TDRD3: variants seen among roughly 807,000 people sequenced by gnomAD.
TDRD3 encodes tudor domain-containing protein 3.
Under a neutral mutation model 86.7 loss-of-function variants are expected in TDRD3, and 45 were observed. The ratio of observed to expected loss-of-function variants is 0.52; its 90% CI spans 0.41 to 0.67. The LOEUF (loss-of-function observed/expected upper bound fraction) is 0.67, where lower values mean the gene tolerates loss of function less well. Ranked by LOEUF, TDRD3 falls within the 30% of genes least tolerant of loss-of-function variation. The pLI is 0.00. For synonymous variants in TDRD3, 298 were observed against 301.7 expected, an observed-to-expected ratio of 0.99 and a Z score of 0.13; for missense variants, 814 against 889.0, an observed-to-expected ratio of 0.92 and a Z score of 1.07.
intron 5 of TDRD3, among the ~76,000 whole-genome samples, chr13:60,468,295 C>A (rs113211261): frequency 6.6e-6 from 1 of 152,014 alleles, no homozygotes; most frequent in Non-Finnish European, 1.5e-5. Flanking sequence ...TTTAATTAAA[C>A]GTTTTTCCAT....
At chr13:60,489,221 A>G (rs1361181366) in intron 7 of TDRD3, among the ~76,000 whole-genome samples, 3 of 152,150 alleles carry the variant, frequency 2.0e-5, no homozygotes, top group South Asian at 4.1e-4. Context: ...CTTATTTGTA[A>G]TAGGTGTTTT....
Position 60,439,764 on chromosome 13 carries a change from G to T in TDRD3, c.118G>T (p.Ala40Ser), listed in dbSNP as rs1478312780. ...CAATGTAAATGACATCATCCTGATT[G>T]CTCTCAATGTAGGTTATATTTATTA... ...KVNVNDIILI[A>S]LNTDLRTIGK... Residue 40 changes from alanine to serine, a missense_variant, in exon 2 of 14, where the codon GCT becomes TCT. Transcript: ENST00000377881. 1 of 1,535,154 alleles carries T rather than the reference G, an allele frequency of 6.5e-7. No individual in the cohort carries two copies. The highest frequency in any genetic ancestry group is 8.8e-7 in the Non-Finnish European group (1 of 1,140,560).
chr13:60,427,982 A>T (rs1954853101), intron 1 of TDRD3, among the ~76,000 whole-genome samples: 1 of 152,002 alleles, frequency 6.6e-6, no homozygotes, highest in Non-Finnish European at 1.5e-5. Context: ...AGAAGTCTGA[A>T]ATCAAAATGT....
At chr13:60,473,854 G>A (rs1389921628) in intron 5 of TDRD3, among the ~76,000 whole-genome samples, 5 of 152,164 alleles carry the variant, frequency 3.3e-5, no homozygotes, top group South Asian at 2.1e-4. Context: ...TTACCTAGTG[G>A]ACCTTGGCCT....
rs575102819 is a variant in TDRD3, at chr13:60,471,919, G to T, written c.495+4540G>T. ...TTTTAATATAGTGTTGAATGGAAGTGATGAAAATGACATCCTTCTCTTGTT... is the reference window on the plus strand; with the variant it reads ...TTTTAATATAGTGTTGAATGGAAGTTATGAAAATGACATCCTTCTCTTGTT... On this transcript the variant is annotated intron_variant, in intron 5 of 13. Coordinates refer to ENST00000377881, the MANE Select transcript of TDRD3 (RefSeq NM_001146070.2). 2.6e-5 allele frequency among the ~76,000 whole-genome samples: 4 copies of T among 152,236 alleles called. 1 individual carries two copies. In the South Asian group the frequency reaches 8.3e-4, roughly 32 times the overall value.
At chr13:60,401,596 A>G (rs1954104126) in intron 1 of TDRD3, among the ~76,000 whole-genome samples, 2 of 152,210 alleles carry the variant, frequency 1.3e-5, no homozygotes, top group African/African-American at 4.8e-5. Flanking sequence ...TAGCATTTCC[A>G]TTTTGTTCTG....
upstream of TDRD3, among the ~76,000 whole-genome samples, chr13:60,395,557 CATGCAGTGGTAA>C (rs1379607517): frequency 6.6e-6 from 1 of 152,126 alleles, no homozygotes; most frequent in Non-Finnish European, 1.5e-5. Flanking sequence ...TTGTAAGGAC[CATGCAGTGGTAA>C]ATCCTTACTG....
intron 5 of TDRD3, among the ~76,000 whole-genome samples, chr13:60,472,736 G>A (rs1432575608): frequency 2.6e-5 from 4 of 152,170 alleles, no homozygotes; most frequent in Non-Finnish European, 5.9e-5. Flanking sequence ...GCGGCAGAGG[G>A]CATTATGCTA....
intron 1 of TDRD3, among the ~76,000 whole-genome samples, chr13:60,400,099 T>C (rs781322217): frequency 2.6e-5 from 4 of 152,240 alleles, no homozygotes; most frequent in Non-Finnish European, 4.4e-5. Flanking sequence ...TCCAGGGCTT[T>C]CTACAGAGTA....
intron 10 of TDRD3, among the ~76,000 whole-genome samples, chr13:60,515,646 C>T (rs1957151444): frequency 6.6e-6 from 1 of 152,174 alleles, no homozygotes. Context: ...TGTTGACCTG[C>T]TCACACTACT....
intron 13 of TDRD3, among the ~76,000 whole-genome samples, chr13:60,572,468 A>G (rs970064766): frequency 6.6e-6 from 1 of 152,174 alleles, no homozygotes; most frequent in Non-Finnish European, 1.5e-5. Flanking sequence ...CTAAGAAGCT[A>G]TTGCACTGGT....
intron 3 of TDRD3, among the ~76,000 whole-genome samples, chr13:60,453,983 A>G (rs1376232583): frequency 6.6e-6 from 1 of 152,058 alleles, no homozygotes; most frequent in Non-Finnish European, 1.5e-5. Context: ...CTATATTTAC[A>G]TAGGAAATAT....
chr13:60,396,187 G>A (rs1184615236), upstream of TDRD3, among the ~76,000 whole-genome samples: 1 of 152,230 alleles, frequency 6.6e-6, no homozygotes, highest in Admixed American at 6.5e-5. Context: ...GCGGCAAGCG[G>A]CGGAGATAGG....
At chr13:60,476,043 A>G (rs1206053881) in intron 5 of TDRD3, among the ~76,000 whole-genome samples, 2 of 152,034 alleles carry the variant, frequency 1.3e-5, no homozygotes, top group Admixed American at 6.5e-5. Context: ...CTTTAGTTTA[A>G]TTGGGTCCCA....
chr13:60,397,880 GCA>G (rs1208061959), intron 1 of TDRD3, among the ~76,000 whole-genome samples: 2 of 152,170 alleles, frequency 1.3e-5, no homozygotes, highest in Non-Finnish European at 2.9e-5. Context: ...TGAGGGCAGA[GCA>G]GAGCACAGCC....
chr13:60,437,540 C>T (rs895885718), intron 1 of TDRD3, among the ~76,000 whole-genome samples: 1 of 151,758 alleles, frequency 6.6e-6, no homozygotes, highest in Non-Finnish European at 1.5e-5. Flanking sequence ...TTTTACATCT[C>T]TAGGACTCCT....
At chr13:60,525,838 T>C (rs1272492914) in intron 10 of TDRD3, among the ~76,000 whole-genome samples, 3 of 152,160 alleles carry the variant, frequency 2.0e-5, no homozygotes, top group African/African-American at 4.8e-5. Context: ...TAATAAAAAA[T>C]CAGAAATTCT....
At chr13:60,572,425 T>C (rs1239003556) in intron 13 of TDRD3, among the ~76,000 whole-genome samples, 1 of 152,290 alleles carries the variant, frequency 6.6e-6, no homozygotes. Flanking sequence ...CAGCTGGATG[T>C]AGGATGGATT....
intron 10 of TDRD3, among the ~76,000 whole-genome samples, chr13:60,511,456 T>C (rs949953030): frequency 6.6e-6 from 1 of 152,244 alleles, no homozygotes; most frequent in East Asian, 1.9e-4. Flanking sequence ...GAAAAGGCAG[T>C]GTAGCATTTG....
Sources: allele counts gnomAD v4.1 joint callset (sites outside exome capture counted in the v4.1 genomes callset), GRCh38; gene constraint gnomAD v4.1.1; transcripts MANE v1.5; gene names NCBI Gene and HGNC (gene_info 2026-07-23, HGNC 2026-07-21).